The following ROR1 variants were observed in gnomAD, a reference collection of about 807,000 sequenced individuals.
The protein encoded by ROR1 is inactive tyrosine-protein kinase transmembrane receptor ROR1.
In ROR1, 19 loss-of-function variants were observed where a neutral mutation model predicts 78.8. The observed-to-expected ratio is 0.24, with a 90% CI of 0.17 to 0.35. ROR1 has a LOEUF of 0.35. Ranked by LOEUF, ROR1 falls within the 10% of genes least tolerant of loss-of-function variation. The probability of loss-of-function intolerance (pLI) is 1.00; values close to 1 mark genes in which losing one functional copy is unlikely to be tolerated. For missense variants in ROR1, 917 were observed against 1,177.8 expected, an observed-to-expected ratio of 0.78 and a Z score of 3.24; for synonymous variants, 386 against 433.6, an observed-to-expected ratio of 0.89 and a Z score of 1.36.
chr1:63,978,081 T>C (rs1243351632), intron 1 of ROR1, among the ~76,000 whole-genome samples: 1 of 152,164 alleles, frequency 6.6e-6, no homozygotes, highest in African/African-American at 2.4e-5. Context: ...AGGTTATTTG[T>C]CCATCCATGG....
intron 1 of ROR1, among the ~76,000 whole-genome samples, chr1:63,786,767 A>G (rs1406983360): frequency 6.6e-6 from 1 of 152,012 alleles, no homozygotes; most frequent in Non-Finnish European, 1.5e-5. Context: ...CATCAAATAC[A>G]CAGAGCAATT....
At position 64,177,908 on chromosome 1, in the gene ROR1, A is replaced by G. The variant is rs752982447; in HGVS notation, c.1867A>G (p.Ile623Val). 5.0e-6 allele frequency: 8 copies of G among 1,614,092 alleles called. No homozygotes were observed. Among genetic ancestry groups the G allele is most frequent in the Non-Finnish European group, 6.8e-6 (8 of 1,180,036 alleles). ...HKDLAARNIL[I>V]GEQLHVKISD... Reference sequence around the variant, plus strand: ...GGACCTTGCAGCTCGCAATATTTTAATCGGAGAGCAACTTCATGTAAAGAT... The same window carrying G: ...GGACCTTGCAGCTCGCAATATTTTAGTCGGAGAGCAACTTCATGTAAAGAT... Residue 623 changes from isoleucine to valine, a missense_variant, in exon 9 of 9, where the codon ATC becomes GTC. Around this residue, in one of 3 missense-constraint regions of ROR1, gnomAD observed 835 missense variants for 1,069.8 expected, o/e 0.78. Transcript: ENST00000371079.
At chr1:64,157,989 G>A (rs1394569899) in intron 7 of ROR1, among the ~76,000 whole-genome samples, 11 of 152,132 alleles carry the variant, frequency 7.2e-5, no homozygotes, top group East Asian at 3.9e-4. Flanking sequence ...GCTGATCTTC[G>A]TTATCAGGGC....
chr1:63,830,316 C>G (rs1330803129), intron 1 of ROR1, among the ~76,000 whole-genome samples: 1 of 152,104 alleles, frequency 6.6e-6, no homozygotes, highest in Non-Finnish European at 1.5e-5. Flanking sequence ...TTGCTTTGCA[C>G]CTTACACTGC....
intron 1 of ROR1, among the ~76,000 whole-genome samples, chr1:63,982,855 A>G (rs981918788): frequency 6.6e-6 from 1 of 152,118 alleles, no homozygotes; most frequent in African/African-American, 2.4e-5. Context: ...CTGGTCTACT[A>G]GATATATAAC....
At chr1:63,784,344 C>G (rs1045529065) in intron 1 of ROR1, among the ~76,000 whole-genome samples, 23 of 152,282 alleles carry the variant, frequency 1.5e-4, no homozygotes, top group Non-Finnish European at 2.4e-4. Context: ...CTAAAGACTA[C>G]TTTTGTTTGG....
chr1:64,142,620 A>G lies in ROR1; in HGVS notation c.1144A>G (p.Lys382Glu), dbSNP rs1414483184. ...PWCFTLDENFKSDLCDIPACD... is the reference protein window; with the variant it reads ...PWCFTLDENFESDLCDIPACD... ...GTGCTTCACCTTGGATGAAAACTTT[A>G]AGTCTGATCTGTGTGACATCCCAGC... The change falls in exon 7 of 9, where the codon AAG (lysine) becomes GAG (glutamate). Residue 382 changes from lysine (K) to glutamate (E), a missense_variant. Coordinates refer to ENST00000371079, the MANE Select transcript of ROR1 (RefSeq NM_005012.4). 1.9e-6 allele frequency: 3 copies of G among 1,614,110 alleles called. No individual in the cohort carries two copies. The highest frequency in any genetic ancestry group is 2.2e-5 in the East Asian group (1 of 44,850).
chr1:64,154,881 C>G (rs181863018), intron 7 of ROR1, among the ~76,000 whole-genome samples: 53 of 152,134 alleles, frequency 3.5e-4, no homozygotes, highest in African/African-American at 1.2e-3. Context: ...TGTCCATTAC[C>G]CTTTAAAATG....
chr1:63,944,314 A>T (rs1264612817), intron 1 of ROR1, among the ~76,000 whole-genome samples: 2 of 152,228 alleles, frequency 1.3e-5, no homozygotes, highest in Admixed American at 1.3e-4. Flanking sequence ...AAAAGATGAC[A>T]CTTCACAAAA....
chr1:64,034,362 G>GT (rs1646684588), intron 2 of ROR1, among the ~76,000 whole-genome samples: 1 of 151,950 alleles, frequency 6.6e-6, no homozygotes, highest in African/African-American at 2.4e-5. Flanking sequence ...TTTTCCACTG[G>GT]TGGTGTGCCC....
chr1:63,856,276 T>C (rs987390222), intron 1 of ROR1, among the ~76,000 whole-genome samples: 1 of 152,214 alleles, frequency 6.6e-6, no homozygotes, highest in Non-Finnish European at 1.5e-5. Context: ...TGGAAAGTCT[T>C]GCTTTGAAGA....
chr1:64,114,606 G>T (rs1346640282), intron 4 of ROR1, among the ~76,000 whole-genome samples: 2 of 152,070 alleles, frequency 1.3e-5, no homozygotes, highest in Admixed American at 1.3e-4. Context: ...GGTATTGACA[G>T]TGCTGACAGA....
intron 1 of ROR1, among the ~76,000 whole-genome samples, chr1:63,977,852 C>A (rs1038879769): frequency 3.3e-5 from 5 of 152,276 alleles, no homozygotes; most frequent in African/African-American, 1.2e-4. Flanking sequence ...ACATCTATAC[C>A]AAAATGTTTT....
chr1:63,872,895 A>G (rs1335718499), intron 1 of ROR1, among the ~76,000 whole-genome samples: 1 of 152,174 alleles, frequency 6.6e-6, no homozygotes, highest in African/African-American at 2.4e-5. Context: ...AATAGCAAGA[A>G]TATGTTGTGG....
At chr1:64,040,547 G>A (rs1646738122) in intron 2 of ROR1, among the ~76,000 whole-genome samples, 1 of 152,138 alleles carries the variant, frequency 6.6e-6, no homozygotes, top group African/African-American at 2.4e-5. Context: ...TAGACTGGGT[G>A]GCTTATAAAA....
chr1:64,047,562 G>T (rs1646794306), intron 2 of ROR1, among the ~76,000 whole-genome samples: 1 of 152,162 alleles, frequency 6.6e-6, no homozygotes, highest in South Asian at 2.1e-4. Flanking sequence ...TAGTGGCATT[G>T]TTATGTGATT....
intron 1 of ROR1, among the ~76,000 whole-genome samples, chr1:63,778,530 G>A (rs931207496): frequency 6.6e-5 from 10 of 152,208 alleles, no homozygotes; most frequent in Admixed American, 6.5e-4. Context: ...CAGGCAGGCT[G>A]TTAATTGGGC....
At chr1:63,957,855 G>C (rs937653583) in intron 1 of ROR1, among the ~76,000 whole-genome samples, 22 of 151,068 alleles carry the variant, frequency 1.5e-4, no homozygotes, top group African/African-American at 5.4e-4. Flanking sequence ...TGATTCTCCT[G>C]CCTCAGCCTC....
chr1:64,094,312 T>G (rs777742763), intron 4 of ROR1: 2 of 152,000 alleles, frequency 1.3e-5, no homozygotes, highest in Non-Finnish European at 2.9e-5. Flanking sequence ...CTAGAAACCA[T>G]GATTTTGATG....
Sources: gnomAD v4.1 joint callset for allele counts (sites outside exome capture counted in the v4.1 genomes callset) on GRCh38, gnomAD v4.1.1 for gene constraint, gnomAD v4.1.1 regional missense constraint, MANE v1.5 for transcripts, NCBI Gene and HGNC (gene_info 2026-07-23, HGNC 2026-07-21) for gene names.